Variants in ACSM1 observed in about 807,000 individuals in gnomAD.
ACSM1 encodes the protein acyl-coenzyme A synthetase ACSM1, mitochondrial.
A neutral mutation model predicts 75.8 loss-of-function variants in ACSM1; 79 were observed. That is an observed-to-expected ratio of 1.04 (90% CI 0.87 to 1.26). The LOEUF is 1.26. Ranked by LOEUF, ACSM1 falls within the 50% of genes most tolerant of loss-of-function variation. The pLI is 0.00. For synonymous variants in ACSM1, 279 were observed against 265.8 expected, an observed-to-expected ratio of 1.05 and a Z score of -0.48; for missense variants, 676 against 720.1, an observed-to-expected ratio of 0.94 and a Z score of 0.70.
At chr16:20,651,633 TAAATA>T (rs751401796) in intron 7 of ACSM1, among the ~76,000 whole-genome samples, 15 of 151,740 alleles carry the variant, frequency 9.9e-5, no homozygotes, top group African/African-American at 3.1e-4. Flanking sequence ...AAAAAACAAA[TAAATA>T]AAATAAAATA....
In ACSM1 at chr16:20,682,273, G is replaced by A; in HGVS notation, c.594C>T (p.Asp198=). 1 of 1,613,236 alleles carries A rather than the reference G, an allele frequency of 6.2e-7. No individual in the cohort carries two copies. Among genetic ancestry groups the A allele is most frequent in the Non-Finnish European group, 8.5e-7 (1 of 1,179,960 alleles). The part of the protein sequence containing the change: ...VSDHSREGWL[D]FRSLVKSASP... Reference sequence around the variant, plus strand: ...AGACTCACTTAACCAGCGATCGGAAGTCCAGCCACCCTTCACGGCTGTGAT... The same window carrying A: ...AGACTCACTTAACCAGCGATCGGAAATCCAGCCACCCTTCACGGCTGTGAT... The change falls in exon 4 of 14, where the codon GAC becomes GAT. Residue 198 remains aspartate, a synonymous_variant. Transcript: ENST00000520010.
Position 20,691,072 on chromosome 16 carries a change from T to C in ACSM1, c.117A>G (p.Arg39=). The change falls in exon 2 of 14, where the codon AGA becomes AGG. Residue 39 remains arginine (R), a synonymous_variant. Transcript: ENST00000520010. The stretch of plus-strand genomic sequence containing the variant: ...CCTCCGGTACTTCATAGTCATTCCA[T>C]CTTGGGGCTCCAAATTCTGATAAAG... ...CRSLSEFGAP[R]WNDYEVPEEF... 1 of 1,613,698 alleles carries C rather than the reference T, an allele frequency of 6.2e-7. No individual in the cohort carries two copies. Among genetic ancestry groups the C allele is most frequent in the Non-Finnish European group, 8.5e-7 (1 of 1,179,826 alleles).
At chr16:20,643,327 G>A (rs184544526) in intron 7 of ACSM1, among the ~76,000 whole-genome samples, 107 of 152,308 alleles carry the variant, frequency 7.0e-4, no homozygotes, top group African/African-American at 2.4e-3. Flanking sequence ...GGGTCCGATG[G>A]TGCTCACCAC....
At chr16:20,629,229 A>G (rs1273440139) in intron 10 of ACSM1, among the ~76,000 whole-genome samples, 1 of 152,186 alleles carries the variant, frequency 6.6e-6, no homozygotes, top group East Asian at 1.9e-4. Context: ...CACTCATGAT[A>G]TTAGATCAAT....
chr16:20,696,158 G>A (rs948487476), intron 1 of ACSM1, among the ~76,000 whole-genome samples: 15 of 152,180 alleles, frequency 9.9e-5, no homozygotes, highest in Non-Finnish European at 8.8e-5. Context: ...TATGCTTTGT[G>A]GGTTTGTGTA....
At chr16:20,669,214 G>A (rs2019740252) in intron 6 of ACSM1, among the ~76,000 whole-genome samples, 1 of 152,060 alleles carries the variant, frequency 6.6e-6, no homozygotes, top group South Asian at 2.1e-4. Flanking sequence ...TGTTTTCTAT[G>A]TGCTAATGTC....
At chr16:20,639,429 C>T (rs533316945) in intron 8 of ACSM1, among the ~76,000 whole-genome samples, 25 of 152,264 alleles carry the variant, frequency 1.6e-4, no homozygotes, top group African/African-American at 5.8e-4. Context: ...GCCTCTGCAG[C>T]CCTAGGGAGG....
At chr16:20,636,690 CCT>C in intron 10 of ACSM1, 47 bp downstream of exon 10, 1 of 1,386,020 alleles carries the variant, frequency 7.2e-7, no homozygotes, top group Non-Finnish European at 1.0e-6. Flanking sequence ...TGCAGAGCTC[CCT>C]GTTGGGATCC....
intron 7 of ACSM1, among the ~76,000 whole-genome samples, chr16:20,658,740 A>T (rs923829400): frequency 6.6e-6 from 1 of 152,230 alleles, no homozygotes; most frequent in Non-Finnish European, 1.5e-5. Flanking sequence ...ATTGAGGAAC[A>T]GGTGTTTCTT....
At chr16:20,641,512 A>ATAC (rs1488216208) in intron 7 of ACSM1, among the ~76,000 whole-genome samples, 1 of 152,208 alleles carries the variant, frequency 6.6e-6, no homozygotes, top group African/African-American at 2.4e-5. Context: ...GTAGCAGAAC[A>ATAC]TGCTCCTTAT....
rs748485216 is a variant in ACSM1, at chr16:20,669,858, A to G, written c.881T>C (p.Leu294Pro). The change falls in exon 6 of 14, where the codon CTG (leucine) becomes CCG (proline). Residue 294 changes from leucine (L) to proline (P), a missense_variant. Transcript: ENST00000520010. ...TAGCTVFIHH[L>P]PQFDTKVIIQ... ...GATGACCTTGGTGTCAAACTGTGGC[A>G]GATGGTGGATAAAGACTGTACAACC... 7.4e-6 allele frequency: 12 copies of G among 1,613,922 alleles called. No homozygotes were observed. The African/African-American group carries it at 1.6e-4, about 22-fold the overall frequency.
chr16:20,691,751 A>ATGTGTGTG lies in ACSM1; in HGVS notation c.-51-520_-51-513dup, dbSNP rs59929923. Among the ~76,000 whole-genome samples the ATGTGTGTG allele has an allele frequency of 4.0e-3, 538 of 134,062 alleles. 6 individuals carry two copies. Among genetic ancestry groups the ATGTGTGTG allele is most frequent in the East Asian group, 0.026 (107 of 4,164 alleles). 87.9% of individuals were successfully genotyped at this position (134,062 alleles called of 152,430 possible). A position where few individuals can be genotyped will look rare whatever the true frequency, so the allele number is the denominator to read the frequency against. Reference sequence around the variant, plus strand: ...CTGGGCCAATCATAATACCTCTCCAATGTGTGTGTGTGTGTGTGTGTGTGT... The same window carrying ATGTGTGTG: ...CTGGGCCAATCATAATACCTCTCCAATGTGTGTGTGTGTGTGTGTGTGTGTGTGTGTGT... On this transcript the variant is annotated intron_variant, in intron 1 of 13. Transcript: ENST00000520010.
In ACSM1 at chr16:20,636,821, C is replaced by T. The variant is rs1567253839; in HGVS notation, c.1217G>A (p.Ser406Asn). 1 of 1,613,870 alleles carries T rather than the reference C, an allele frequency of 6.2e-7. No individual in the cohort carries two copies. Among genetic ancestry groups the T allele is most frequent in the South Asian group, 1.1e-5 (1 of 91,062 alleles). The change falls in exon 10 of 14, where the codon AGC becomes AAC. Residue 406 changes from serine to asparagine, a missense_variant. Physicochemically the swap from Ser to Asn is conservative, Grantham distance 46 (BLOSUM62 1). Transcript: ENST00000520010. ...TCCTTCTGTGTTAGGTGGCAGGATG[C>T]TGCCCTTGTCATCAATGACCTGTAG... ...YDVQVIDDKG[S>N]ILPPNTEGNI...
At position 20,636,732 on chromosome 16, in the gene ACSM1, T is replaced by G. The variant is rs1485122643; in HGVS notation, c.1299+7A>C. On this transcript the variant is annotated splice_region_variant and intron_variant, in intron 10 of 13. Coordinates refer to ENST00000520010, the MANE Select transcript of ACSM1 (RefSeq NM_001318890.3). ...GGCCAGGATGGGGGCAGATGGGGGG[T>G]CATTACCTCATAGCACATGAAGAGG... is the stretch of plus-strand genomic sequence containing the variant. 3 of 1,609,494 alleles carry G rather than the reference T, an allele frequency of 1.9e-6. No homozygotes were observed. Among genetic ancestry groups the G allele is most frequent in the East Asian group, 2.2e-5 (1 of 44,822 alleles).
intron 12 of ACSM1, 143 bp downstream of exon 12, chr16:20,625,280 T>G: frequency 1.4e-6 from 1 of 730,668 alleles, no homozygotes. Context: ...GAGTCCACAC[T>G]GTCCCCTGGT....
intron 10 of ACSM1, among the ~76,000 whole-genome samples, chr16:20,636,331 G>A (rs2017703865): frequency 6.6e-6 from 1 of 152,152 alleles, no homozygotes; most frequent in Admixed American, 6.5e-5. Flanking sequence ...TTGATGTGCA[G>A]AAGATGTGCA....
chr16:20,683,691 C>A (rs552374395), intron 3 of ACSM1, among the ~76,000 whole-genome samples: 122 of 102,398 alleles, frequency 1.2e-3, no homozygotes, highest in Non-Finnish European at 2.1e-3. Flanking sequence ...CTGGCTAATT[C>A]TTTCTTTCTT....
chr16:20,637,092 G>A (rs1370739974), intron 9 of ACSM1: 1 of 753,048 alleles, frequency 1.3e-6, no homozygotes, highest in African/African-American at 1.7e-5. Flanking sequence ...CAAAAAAAAT[G>A]AAAAGCACCA....
chr16:20,652,843 A>G (rs2018723418), intron 7 of ACSM1, among the ~76,000 whole-genome samples: 1 of 152,224 alleles, frequency 6.6e-6, no homozygotes, highest in Non-Finnish European at 1.5e-5. Flanking sequence ...AGCTGGTACC[A>G]TTCCTTCTGA....
Sources: allele counts gnomAD v4.1 joint callset (sites outside exome capture counted in the v4.1 genomes callset), GRCh38; gene constraint gnomAD v4.1.1; transcripts MANE v1.5; gene names NCBI Gene and HGNC (gene_info 2026-07-23, HGNC 2026-07-21).